Variants in PCBP3 observed in about 807,000 individuals in gnomAD.
The protein encoded by PCBP3 is poly(rC) binding protein 3.
Under a neutral mutation model 52.7 loss-of-function variants are expected in PCBP3, and 25 were observed. That is an observed-to-expected ratio of 0.47 (90% CI 0.35 to 0.66). The LOEUF is 0.66. Among genes scored for constraint, PCBP3 ranks in the 30% least tolerant of loss-of-function variants. The probability of loss-of-function intolerance (pLI) is 0.01; values close to 1 mark genes in which losing one functional copy is unlikely to be tolerated. For missense variants in PCBP3, 391 were observed against 490.3 expected (o/e 0.80, Z 1.91); for synonymous variants, 162 against 183.0 (o/e 0.89, Z 0.93).
intron 4 of PCBP3, among the ~76,000 whole-genome samples, chr21:45,807,864 A>G (rs1417818280): frequency 6.6e-6 from 1 of 152,194 alleles, no homozygotes; most frequent in Non-Finnish European, 1.5e-5. Context: ...GACCAAAGGA[A>G]CAGAACAGAG....
At chr21:45,646,126 T>C (rs1020280908) in intron 1 of PCBP3, among the ~76,000 whole-genome samples, 3 of 150,290 alleles carry the variant, frequency 2.0e-5, no homozygotes, top group Non-Finnish European at 4.4e-5. Context: ...TGTGTGTGTG[T>C]GTGTGTGTGT....
chr21:45,854,155 G>C (rs1377552975), intron 5 of PCBP3: 1 of 152,168 alleles, frequency 6.6e-6, no homozygotes, highest in Non-Finnish European at 1.5e-5. Context: ...AGGCTGTGCG[G>C]TTTGTTCCAT....
chr21:45,688,963 C>T (rs1281826598), intron 2 of PCBP3, among the ~76,000 whole-genome samples: 1 of 151,704 alleles, frequency 6.6e-6, no homozygotes, highest in Non-Finnish European at 1.5e-5. Flanking sequence ...TAAAATTTTA[C>T]CACTAAGAAA....
rs556149483 is a variant in PCBP3 at position 45,823,501 on chromosome 21, G to A, written c.-125-26460G>A. 8.5e-5 allele frequency among the ~76,000 whole-genome samples: 13 copies of A among 152,164 alleles called. No individual in the cohort carries two copies. In the East Asian group the frequency reaches 1.2e-3, roughly 14 times the overall value. On this transcript the variant is annotated intron_variant, in intron 4 of 17. Transcript: ENST00000681687. ...CTGTGCAGATTCCCTTTCATGTCCC[G>A]CAGAACCACGCGTGTCCGTTCTTCT...
chr21:45,909,787 C>T (rs1330582736), intron 10 of PCBP3, among the ~76,000 whole-genome samples: 4 of 30,350 alleles, frequency 1.3e-4, no homozygotes, highest in Non-Finnish European at 1.8e-4. Flanking sequence ...TGCCCAGATA[C>T]GGACCCCCCC....
intron 6 of PCBP3, among the ~76,000 whole-genome samples, chr21:45,898,244 G>A (rs890889928): frequency 3.9e-5 from 6 of 152,064 alleles, no homozygotes; most frequent in African/African-American, 1.2e-4. Flanking sequence ...CATGATTGAC[G>A]GGGGCCCCTC....
intron 13 of PCBP3, among the ~76,000 whole-genome samples, chr21:45,923,690 A>G (rs2074816558): frequency 6.6e-6 from 1 of 152,238 alleles, no homozygotes; most frequent in Non-Finnish European, 1.5e-5. Context: ...ATTCCAAGAG[A>G]CACACAGAGA....
intron 5 of PCBP3, among the ~76,000 whole-genome samples, chr21:45,852,188 C>T (rs529889011): frequency 1.3e-5 from 2 of 152,306 alleles, no homozygotes; most frequent in East Asian, 3.9e-4. Flanking sequence ...ACGTGTATTG[C>T]AACATCATAC....
intron 3 of PCBP3, among the ~76,000 whole-genome samples, chr21:45,752,261 A>G (rs191447076): frequency 6.6e-6 from 1 of 152,086 alleles, no homozygotes; most frequent in Admixed American, 6.5e-5. Flanking sequence ...AGTTTATTTT[A>G]ATGAATTTTT....
intron 5 of PCBP3, among the ~76,000 whole-genome samples, chr21:45,874,398 A>AGCAATTAAT (rs1411653524): frequency 2.0e-5 from 3 of 151,918 alleles, no homozygotes; most frequent in Admixed American, 6.5e-5. Context: ...GCTCTTTATG[A>AGCAATTAAT]TGCTTTATAA....
At position 45,901,093 on chromosome 21, in the gene PCBP3, A is replaced by T. The variant is rs763863812; in HGVS notation, c.319A>T (p.Ile107Phe). ...CGCCATCTTCAAGGCCTTTGCCATG[A>T]TCGCATACAAGTTTGAGGAGGTAAC... Reference protein sequence around the residue: ...TDAIFKAFAMIAYKFEEDIIN... With the variant: ...TDAIFKAFAMFAYKFEEDIIN... Residue 107 changes from isoleucine (I) to phenylalanine (F), a missense_variant, in exon 9 of 18, where the codon ATC becomes TTC. Physicochemically the swap from Ile to Phe is conservative, Grantham distance 21. Transcript: ENST00000681687. 1 of 1,613,238 alleles carries T rather than the reference A, an allele frequency of 6.2e-7. No homozygotes were observed. Among genetic ancestry groups the T allele is most frequent in the East Asian group, 2.2e-5 (1 of 44,862 alleles).
At position 45,909,477 on chromosome 21, in the gene PCBP3, G is replaced by T. The variant is rs367782910; in HGVS notation, c.462G>T (p.Glu154Asp). 9 of 1,612,762 alleles carry T rather than the reference G, an allele frequency of 5.6e-6. No homozygotes were observed. Among genetic ancestry groups the T allele is most frequent in the African/African-American group, 4.0e-5 (3 of 74,888 alleles). ...LIGKGGSKIK[E>D]IRESTGAQVQ... ...GCAAAGGAGGCTCCAAGATCAAGGA[G>T]ATCAGGGAGGTAACAGGACCTTCCC... The change falls in exon 10 of 18, where the codon GAG (glutamate) becomes GAT (aspartate). Residue 154 changes from glutamate (E) to aspartate (D), a missense_variant. Glu to Asp is a conservative substitution (Grantham distance 45). Coordinates refer to ENST00000681687, the MANE Select transcript of PCBP3 (RefSeq NM_001384156.1).
chr21:45,828,273 T>C (rs2093357178), intron 4 of PCBP3: 1 of 152,206 alleles, frequency 6.6e-6, no homozygotes, highest in Non-Finnish European at 1.5e-5. Context: ...GCTTTCCCCA[T>C]GCAAAATAAA....
chr21:45,925,856 A>G (rs1246441282), intron 13 of PCBP3, among the ~76,000 whole-genome samples: 2 of 152,250 alleles, frequency 1.3e-5, no homozygotes, highest in Non-Finnish European at 2.9e-5. Context: ...GACAGACATT[A>G]TAGCAAAAAC....
chr21:45,899,095 T>G (rs1229191999), intron 6 of PCBP3, among the ~76,000 whole-genome samples: 1 of 152,246 alleles, frequency 6.6e-6, no homozygotes, highest in African/African-American at 2.4e-5. Context: ...GGGGAACGTG[T>G]GTCCCGAAAC....
At chr21:45,929,770 G>A (rs916440438) in intron 13 of PCBP3, 147 bp from the exon 14 acceptor site, 4 of 662,336 alleles carry the variant, frequency 6.0e-6, no homozygotes, top group African/African-American at 5.4e-5. Flanking sequence ...CCCAGGCCAA[G>A]TCCTTGCGTT....
intron 2 of PCBP3, among the ~76,000 whole-genome samples, chr21:45,686,590 A>G (rs1243112640): frequency 1.3e-5 from 2 of 152,246 alleles, no homozygotes; most frequent in South Asian, 2.1e-4. Context: ...GTCAATAGGA[A>G]CAGACCCTGA....
At chr21:45,694,931 T>A (rs978551218) in intron 2 of PCBP3, among the ~76,000 whole-genome samples, 2 of 151,990 alleles carry the variant, frequency 1.3e-5, no homozygotes, top group South Asian at 2.1e-4. Flanking sequence ...CAGCAATTTG[T>A]TTTTTTTAGG....
intron 2 of PCBP3, among the ~76,000 whole-genome samples, chr21:45,671,602 G>T (rs1000845567): frequency 3.9e-5 from 6 of 152,198 alleles, no homozygotes; most frequent in Non-Finnish European, 7.3e-5. Context: ...GAACCATGGG[G>T]TGTTGTGGTA....
Sources: allele counts gnomAD v4.1 joint callset (sites outside exome capture counted in the v4.1 genomes callset), GRCh38; gene constraint gnomAD v4.1.1; transcripts MANE v1.5; gene names NCBI Gene and HGNC (gene_info 2026-07-23, HGNC 2026-07-21).